MAF: variants seen among roughly 807,000 people sequenced by gnomAD.
MAF encodes the protein transcription factor Maf.
In MAF, 10 loss-of-function variants were observed where a neutral mutation model predicts 22.0. The ratio of observed to expected loss-of-function variants is 0.45; its 90% CI spans 0.28 to 0.77. MAF has a LOEUF of 0.77. Ranked by LOEUF, MAF falls within the 30% of genes least tolerant of loss-of-function variation. The probability of loss-of-function intolerance (pLI) is 0.12; values close to 1 mark genes in which losing one functional copy is unlikely to be tolerated. For synonymous variants in MAF, 337 were observed against 255.8 expected, an observed-to-expected ratio of 1.32 and a Z score of -3.03; for missense variants, 544 against 548.4, an observed-to-expected ratio of 0.99 and a Z score of 0.08.
At chr16:79,415,343 ACAGG>A in the MAF span, among the ~76,000 whole-genome samples, 4 of 149,836 alleles carry the variant, frequency 2.7e-5, no homozygotes, top group South Asian at 2.2e-4. Context: ...GGGAGGATGA[ACAGG>A]CAGGCAGGCA....
At chr16:79,271,145 A>G in the MAF span, among the ~76,000 whole-genome samples, 1 of 148,738 alleles carries the variant, frequency 6.7e-6, no homozygotes, top group Non-Finnish European at 1.5e-5. Flanking sequence ...TGAACTCCTG[A>G]TCTCAGGTGA....
chr16:79,269,410 A>G, the MAF span, among the ~76,000 whole-genome samples: 2 of 152,164 alleles, frequency 1.3e-5, no homozygotes, highest in African/African-American at 4.8e-5. Context: ...TCAGTCAGGA[A>G]CAAGATTTTA....
At chr16:79,278,071 AACTGT>A in the MAF span, among the ~76,000 whole-genome samples, 1 of 152,188 alleles carries the variant, frequency 6.6e-6, no homozygotes, top group Non-Finnish European at 1.5e-5. Flanking sequence ...AACATTATAA[AACTGT>A]ACTAAGTGAA....
At chr16:79,476,670 G>T in the MAF span, among the ~76,000 whole-genome samples, 1 of 152,150 alleles carries the variant, frequency 6.6e-6, no homozygotes, top group Non-Finnish European at 1.5e-5. Context: ...GGAGCATCTG[G>T]ATATTCAAAG....
chr16:79,465,684 G>A, the MAF span, among the ~76,000 whole-genome samples: 7 of 152,292 alleles, frequency 4.6e-5, no homozygotes, highest in South Asian at 2.1e-4. Flanking sequence ...ACTGATCTGT[G>A]TGTACGTTTC....
the MAF span, among the ~76,000 whole-genome samples, chr16:79,401,192 C>A: frequency 6.6e-6 from 1 of 152,214 alleles, no homozygotes; most frequent in South Asian, 2.1e-4. Flanking sequence ...GCCTATTCTC[C>A]CGCGTGGATT....
rs917257408 is a variant in MAF, at chr16:79,598,535, C to T, written c.1118+250G>A. 9.9e-6 allele frequency: 14 copies of T among 1,415,934 alleles called. No individual in the cohort carries two copies. In the Admixed American group the frequency reaches 2.4e-4, roughly 25 times the overall value. 87.7% of individuals were successfully genotyped at this position (1,415,934 alleles called of 1,614,324 possible). A position where few individuals can be genotyped will look rare whatever the true frequency, so the allele number is the denominator to read the frequency against. ...CATGAGCCAGACACCCATTCCCTCC[C>T]CAGTTTAAAACAGCCACCACCACCA... On this transcript the variant is annotated intron_variant, in intron 1 of 1. Coordinates refer to ENST00000326043, the MANE Select transcript of MAF (RefSeq NM_005360.5).
At chr16:79,506,456 G>A in the MAF span, among the ~76,000 whole-genome samples, 2 of 152,166 alleles carry the variant, frequency 1.3e-5, no homozygotes. Flanking sequence ...AGCAGCTGAA[G>A]ATCCCCAGCC....
At chr16:79,418,419 T>G in the MAF span, among the ~76,000 whole-genome samples, 2 of 152,242 alleles carry the variant, frequency 1.3e-5, no homozygotes, top group Admixed American at 1.3e-4. Flanking sequence ...TATTCACTCA[T>G]TCTGTTGTGA....
the MAF span, among the ~76,000 whole-genome samples, chr16:79,470,211 G>C: frequency 6.6e-6 from 1 of 152,220 alleles, no homozygotes; most frequent in Non-Finnish European, 1.5e-5. Flanking sequence ...CTGGTTCTGA[G>C]GAAGTGGGAA....
the MAF span, among the ~76,000 whole-genome samples, chr16:79,250,250 T>C: frequency 6.6e-6 from 1 of 152,222 alleles, no homozygotes; most frequent in Non-Finnish European, 1.5e-5. Flanking sequence ...TTCTCAGGAC[T>C]GTGTTATCCT....
the MAF span, among the ~76,000 whole-genome samples, chr16:79,479,262 T>C: frequency 6.6e-6 from 1 of 152,238 alleles, no homozygotes; most frequent in Non-Finnish European, 1.5e-5. Flanking sequence ...CTTTGTACCA[T>C]CATACCTTTC....
At chr16:79,240,152 G>C in the MAF span, among the ~76,000 whole-genome samples, 10 of 151,798 alleles carry the variant, frequency 6.6e-5, no homozygotes, top group African/African-American at 2.4e-4. Context: ...GGGGGTGTAA[G>C]TGGAGAAAAA....
At chr16:79,540,532 C>G in the MAF span, among the ~76,000 whole-genome samples, 1 of 152,154 alleles carries the variant, frequency 6.6e-6, no homozygotes, top group Non-Finnish European at 1.5e-5. Flanking sequence ...CAGGGGCTTC[C>G]TCTCCCATCA....
the MAF span, among the ~76,000 whole-genome samples, chr16:79,304,757 A>G: frequency 6.6e-6 from 1 of 152,222 alleles, no homozygotes; most frequent in South Asian, 2.1e-4. Context: ...CTAGGGACCA[A>G]AAGGGACTAA....
the MAF span, among the ~76,000 whole-genome samples, chr16:79,574,299 C>G: frequency 6.6e-6 from 1 of 152,096 alleles, no homozygotes; most frequent in South Asian, 2.1e-4. Flanking sequence ...CTACTTTAGC[C>G]CCAATCACAC....
At chr16:79,287,004 A>G in the MAF span, among the ~76,000 whole-genome samples, 2 of 152,224 alleles carry the variant, frequency 1.3e-5, no homozygotes, top group Non-Finnish European at 2.9e-5. Flanking sequence ...CGAAGCCAGA[A>G]GTGAGCGTCC....
chr16:79,203,966 C>T, the MAF span: 1 of 152,102 alleles, frequency 6.6e-6, no homozygotes, highest in Admixed American at 6.5e-5. Context: ...CTTATAAACA[C>T]CCAGCAGTCC....
chr16:79,434,173 A>C, the MAF span, among the ~76,000 whole-genome samples: 1 of 152,248 alleles, frequency 6.6e-6, no homozygotes, highest in African/African-American at 2.4e-5. Flanking sequence ...GACTTTCTCA[A>C]CATCACTAGC....
Sources: gnomAD v4.1 joint callset for allele counts (sites outside exome capture counted in the v4.1 genomes callset) on GRCh38, gnomAD v4.1.1 for gene constraint, MANE v1.5 for transcripts, NCBI Gene and HGNC (gene_info 2026-07-23, HGNC 2026-07-21) for gene names.